The following GAS2L3 variants were observed in gnomAD, a reference collection of about 807,000 sequenced individuals.
The protein encoded by GAS2L3 is growth arrest specific 2 like 3.
Under a neutral mutation model 37.0 loss-of-function variants are expected in GAS2L3, and 28 were observed. The ratio of observed to expected loss-of-function variants is 0.76; its 90% CI spans 0.56 to 1.04. The LOEUF (loss-of-function observed/expected upper bound fraction) is 1.04. Ranked by LOEUF, GAS2L3 falls within the 50% of genes least tolerant of loss-of-function variation. The pLI is 0.00. For synonymous variants in GAS2L3, 290 were observed against 296.6 expected (o/e 0.98, Z 0.23); for missense variants, 793 against 817.6 (o/e 0.97, Z 0.37).
At chr12:100,607,291 C>T (rs1280548055) in intron 5 of GAS2L3, among the ~76,000 whole-genome samples, 1 of 152,162 alleles carries the variant, frequency 6.6e-6, no homozygotes, top group African/African-American at 2.4e-5. Context: ...AATTTGCTGC[C>T]AGACATACTG....
chr12:100,574,881 G>A (rs1409600068), intron 1 of GAS2L3, among the ~76,000 whole-genome samples: 4 of 152,016 alleles, frequency 2.6e-5, no homozygotes, highest in Admixed American at 2.0e-4. Flanking sequence ...TGTAGATGCC[G>A]ATACCTGTTG....
At chr12:100,609,323 C>T (rs191853039) in intron 5 of GAS2L3, among the ~76,000 whole-genome samples, 1 of 152,336 alleles carries the variant, frequency 6.6e-6, no homozygotes, top group East Asian at 1.9e-4. Flanking sequence ...GGCATATTAC[C>T]TGGGTATCAC....
In GAS2L3 at chr12:100,623,869, C is replaced by G. The variant is rs761603296; in HGVS notation, c.1064C>G (p.Pro355Arg). Reference protein sequence around the residue: ...KQGRPPGALVPASSLKGGNLG... With the variant: ...KQGRPPGALVRASSLKGGNLG... ...GGACGTCCACCAGGTGCATTGGTGCCAGCATCTTCACTGAAAGGAGGTAAT... is the reference window on the plus strand; with the variant it reads ...GGACGTCCACCAGGTGCATTGGTGCGAGCATCTTCACTGAAAGGAGGTAAT... The change falls in exon 10 of 10, where the codon CCA becomes CGA. Residue 355 changes from proline to arginine, a missense_variant. By Grantham distance (103) the Pro-to-Arg change is moderately radical. Transcript: ENST00000547754. 6.2e-7 allele frequency: 1 copy of G among 1,613,942 alleles called. No individual in the cohort carries two copies. Among genetic ancestry groups the G allele is most frequent in the Non-Finnish European group, 8.5e-7 (1 of 1,179,906 alleles).
intron 1 of GAS2L3, among the ~76,000 whole-genome samples, chr12:100,585,044 A>C (rs1593161564): frequency 1.4e-5 from 2 of 139,406 alleles, no homozygotes; most frequent in African/African-American, 2.8e-5. Context: ...ACCCGCCACC[A>C]CACCTGGCTA....
At chr12:100,604,636 A>G (rs1463050821) in intron 5 of GAS2L3, among the ~76,000 whole-genome samples, 2 of 151,978 alleles carry the variant, frequency 1.3e-5, no homozygotes, top group Non-Finnish European at 2.9e-5. Context: ...ACTGTGTTGA[A>G]TAACAGTGAT....
intron 3 of GAS2L3, among the ~76,000 whole-genome samples, chr12:100,599,200 A>G (rs536168422): frequency 6.6e-6 from 1 of 152,322 alleles, no homozygotes; most frequent in East Asian, 1.9e-4. Flanking sequence ...GAGAAGGACA[A>G]GAGATATTTA....
intron 1 of GAS2L3, chr12:100,578,906 C>CTCAGTGTGGAA (rs1955671819): frequency 1.2e-6 from 1 of 864,572 alleles, no homozygotes. Flanking sequence ...CCACATTTAC[C>CTCAGTGTGGAA]AGCTCCCTCA....
chr12:100,620,179 G>A (rs1002855034), intron 8 of GAS2L3, among the ~76,000 whole-genome samples: 1 of 151,972 alleles, frequency 6.6e-6, no homozygotes, highest in Non-Finnish European at 1.5e-5. Flanking sequence ...TGGTGAAAAA[G>A]TAAATACCCT....
At chr12:100,619,155 C>A (rs1267304928) in intron 8 of GAS2L3, among the ~76,000 whole-genome samples, 1 of 151,080 alleles carries the variant, frequency 6.6e-6, no homozygotes, top group Non-Finnish European at 1.5e-5. Flanking sequence ...TTGATCCTTG[C>A]AGAATACAGG....
At chr12:100,583,222 CT>C (rs1354990358) in intron 1 of GAS2L3, among the ~76,000 whole-genome samples, 1 of 152,242 alleles carries the variant, frequency 6.6e-6, no homozygotes, top group Non-Finnish European at 1.5e-5. Context: ...CTAGGAAAAT[CT>C]CCCACCTCAA....
Position 100,618,498 on chromosome 12 carries a change from T to C in GAS2L3, c.559T>C (p.Leu187=). 2 of 1,612,328 alleles carry C rather than the reference T, an allele frequency of 1.2e-6. No individual in the cohort carries two copies. The highest frequency in any genetic ancestry group is 1.7e-6 in the Non-Finnish European group (2 of 1,179,200). The change falls in exon 8 of 10, where the codon TTA becomes CTA. Residue 187 remains leucine (L), a synonymous_variant. Transcript: ENST00000547754. ...VLVKLEKEIE[L]EETLLNTSGP... The stretch of plus-strand genomic sequence containing the variant: ...AGTAAAACTTGAGAAAGAAATTGAG[T>C]TAGAAGAGACTTTGCTTAATACTTC...
intron 3 of GAS2L3, among the ~76,000 whole-genome samples, chr12:100,596,185 C>G (rs1344447374): frequency 2.0e-5 from 3 of 152,050 alleles, no homozygotes; most frequent in African/African-American, 7.2e-5. Flanking sequence ...TGGGTCCTCT[C>G]ACATCCACTT....
intron 1 of GAS2L3, among the ~76,000 whole-genome samples, chr12:100,588,986 G>C (rs1209033996): frequency 6.6e-6 from 1 of 152,050 alleles, no homozygotes; most frequent in East Asian, 1.9e-4. Flanking sequence ...TAAAAAACAT[G>C]TTTTACAATC....
At chr12:100,614,785 T>C (rs1203303925) in intron 6 of GAS2L3, among the ~76,000 whole-genome samples, 2 of 152,216 alleles carry the variant, frequency 1.3e-5, no homozygotes, top group Admixed American at 6.5e-5. Context: ...ATATGTGGCA[T>C]TTTGTGTCTG....
rs114479469 is a variant in GAS2L3, at chr12:100,588,450, C to T, written c.-151-3286C>T. Among the ~76,000 whole-genome samples, 578 of 152,238 alleles carry T rather than the reference C, an allele frequency of 3.8e-3. 2 individuals are homozygous for T. The highest frequency in any genetic ancestry group is 0.012 in the African/African-American group (504 of 41,522). On this transcript the variant is annotated intron_variant, in intron 1 of 9. Coordinates refer to ENST00000547754, the MANE Select transcript of GAS2L3 (RefSeq NM_174942.3). ...ATCACATGCTTCAAAGGGCAAAAAA[C>T]AGAATTACTAATAAGGGTCTAACAA...
At chr12:100,622,445 T>C (rs1246178935) in intron 9 of GAS2L3, 63 bp downstream of exon 9, 23 of 804,598 alleles carry the variant, frequency 2.9e-5, no homozygotes, top group Non-Finnish European at 4.3e-5. Context: ...ATTTATTGCT[T>C]TACTAACCTT....
At chr12:100,603,969 T>C (rs1168830349) in intron 5 of GAS2L3, among the ~76,000 whole-genome samples, 1 of 152,012 alleles carries the variant, frequency 6.6e-6, no homozygotes, top group Non-Finnish European at 1.5e-5. Flanking sequence ...TGGGTTTTCT[T>C]TTCTGTTCCA....
chr12:100,592,079 A>T (rs1302428919), intron 2 of GAS2L3, among the ~76,000 whole-genome samples: 1 of 152,176 alleles, frequency 6.6e-6, no homozygotes, highest in Non-Finnish European at 1.5e-5. Flanking sequence ...AGGCATACAG[A>T]CTAGTATAAT....
At chr12:100,604,528 G>A (rs763171562) in intron 5 of GAS2L3, among the ~76,000 whole-genome samples, 5 of 138,120 alleles carry the variant, frequency 3.6e-5, no homozygotes, top group Admixed American at 7.8e-5. Context: ...CTATAAGATC[G>A]TATCATCTGC....
Sources: allele counts gnomAD v4.1 joint callset (sites outside exome capture counted in the v4.1 genomes callset), GRCh38; gene constraint gnomAD v4.1.1; transcripts MANE v1.5; gene names NCBI Gene and HGNC (gene_info 2026-07-23, HGNC 2026-07-21).